The following KMT2D variants were observed in gnomAD, a reference collection of about 807,000 sequenced individuals.
KMT2D encodes the protein histone-lysine N-methyltransferase 2D.
A neutral mutation model predicts 512.7 loss-of-function variants in KMT2D; 55 were observed. That is an observed-to-expected ratio of 0.11 (90% CI 0.09 to 0.13). KMT2D has a LOEUF of 0.13. Ranked by LOEUF, KMT2D falls within the 10% of genes least tolerant of loss-of-function variation. The pLI is 1.00. For synonymous variants in KMT2D, 2,995 were observed against 2,904.0 expected, an observed-to-expected ratio of 1.03 and a Z score of -1.01; for missense variants, 6,061 against 7,127.9, an observed-to-expected ratio of 0.85 and a Z score of 5.39.
rs200624640 is a variant in KMT2D, at chr12:49,049,970, G to A, written c.3618C>T (p.Asn1206=). The A allele has an allele frequency of 5.3e-5, 86 of 1,613,982 alleles. No individual in the cohort carries two copies. The highest frequency in any genetic ancestry group is 8.0e-5 in the African/African-American group (6 of 75,052). ...PPTLIKSDIV[N]EISNLSQGDA... Reference sequence around the variant, plus strand: ...CACCCTGGCTCAGATTAGAGATCTCGTTAACGATGTCGGATTTGATGAGAG... The same window carrying A: ...CACCCTGGCTCAGATTAGAGATCTCATTAACGATGTCGGATTTGATGAGAG... Residue 1206 remains asparagine, a synonymous_variant, in exon 12 of 55, where the codon AAC becomes AAT. Coordinates refer to ENST00000301067, the MANE Select transcript of KMT2D (RefSeq NM_003482.4).
At chr12:49,031,102 C>T (rs2120415729) in intron 40 of KMT2D, 69 bp from the exon 41 acceptor site, 1 of 1,611,210 alleles carries the variant, frequency 6.2e-7, no homozygotes, top group East Asian at 2.2e-5. Flanking sequence ...CTGTCTGACC[C>T]AGGCTCACTC....
At chr12:49,028,502 A>G (rs1942723444) in intron 46 of KMT2D, among the ~76,000 whole-genome samples, 2 of 152,334 alleles carry the variant, frequency 1.3e-5, no homozygotes, top group South Asian at 4.1e-4. Context: ...CTTTGACCAC[A>G]AAAGCCCGTT....
In KMT2D at chr12:49,032,597, C is replaced by A; in HGVS notation, c.12108G>T (p.Glu4036Asp). The change falls in exon 40 of 55, where the codon GAG becomes GAT. Residue 4036 changes from glutamate to aspartate, a missense_variant. Coordinates refer to ENST00000301067, the MANE Select transcript of KMT2D (RefSeq NM_003482.4). Reference protein sequence around the residue: ...QNTVDPAVSSEATEGPSTHQG... With the variant: ...QNTVDPAVSSDATEGPSTHQG... Reference sequence around the variant, plus strand: ...GATGTGTAGAGGGCCCCTCAGTGGCCTCTGAAGAAACGGCTGGGTCTACGG... The same window carrying A: ...GATGTGTAGAGGGCCCCTCAGTGGCATCTGAAGAAACGGCTGGGTCTACGG... The A allele has an allele frequency of 4.3e-6, 7 of 1,613,924 alleles. No homozygotes were observed. Among genetic ancestry groups the A allele is most frequent in the Non-Finnish European group, 5.9e-6 (7 of 1,179,868 alleles).
rs2120423344 is a variant in KMT2D, at chr12:49,031,723, A to G, written c.12982T>C (p.Ser4328Pro). The change falls in exon 40 of 55, where the codon TCC (serine) becomes CCC (proline). Residue 4328 changes from serine (S) to proline (P), a missense_variant. Physicochemically the swap from Ser to Pro is moderately conservative, Grantham distance 74 (BLOSUM62 -1). Coordinates refer to ENST00000301067, the MANE Select transcript of KMT2D (RefSeq NM_003482.4). ...AGCTGGGCCTCAGTGGGAAGCTGGG[A>G]GCTGGGGGAAGGTAATTGTGAAGGT... ...KRPSQLPSPS[S>P]QLPTEAQLPP... 6.2e-7 allele frequency: 1 copy of G among 1,612,864 alleles called. No homozygotes were observed.
chr12:49,050,513 C>T lies in KMT2D; in HGVS notation c.3075G>A (p.Ser1025=), dbSNP rs781552700. The T allele has an allele frequency of 1.2e-6, 2 of 1,610,772 alleles. No homozygotes were observed. Among genetic ancestry groups the T allele is most frequent in the Non-Finnish European group, 8.5e-7 (1 of 1,177,724 alleles). ...ILMEPLPPQC[S]PLLQHSLVPQ... Reference sequence around the variant, plus strand: ...GAACCAGGGAATGCTGAAGGAGTGGCGAACACTGAGGAGGAAGGGGCTCCA... The same window carrying T: ...GAACCAGGGAATGCTGAAGGAGTGGTGAACACTGAGGAGGAAGGGGCTCCA... Residue 1025 remains serine, a synonymous_variant, in exon 12 of 55, where the codon TCG becomes TCA. Coordinates refer to ENST00000301067, the MANE Select transcript of KMT2D (RefSeq NM_003482.4).
At position 49,038,051 on chromosome 12, in the gene KMT2D, G is replaced by A. The variant is rs970061739; in HGVS notation, c.9305C>T (p.Pro3102Leu). 31 of 1,612,180 alleles carry A rather than the reference G, an allele frequency of 1.9e-5. No homozygotes were observed. Among genetic ancestry groups the A allele is most frequent in the East Asian group, 2.2e-5 (1 of 44,856 alleles). The change falls in exon 35 of 55, where the codon CCT becomes CTT. Residue 3102 changes from proline (P) to leucine (L), a missense_variant. By Grantham distance (98) the Pro-to-Leu change is moderately conservative. Transcript: ENST00000301067. This position sits in a 1 kb window ranked among gnomAD's most constrained non-coding sequence, Gnocchi z 5.7. ...GCGGGGTTCAGAGGCATCAGCAGCAGGGGGAGGGCGCTCCTCAGGGCCCAA... is the reference window on the plus strand; with the variant it reads ...GCGGGGTTCAGAGGCATCAGCAGCAAGGGGAGGGCGCTCCTCAGGGCCCAA... The part of the protein sequence containing the change: ...GPLGPEERPP[P>L]AADASEPRLA...
In KMT2D at chr12:49,028,983, T is replaced by G. The variant is rs375369558; in HGVS notation, c.14252-25A>C. 3.4e-5 allele frequency: 55 copies of G among 1,612,494 alleles called. No homozygotes were observed. The African/African-American group carries it at 6.3e-4, about 18-fold the overall frequency. On this transcript the variant is annotated intron_variant, in intron 45 of 54. Coordinates refer to ENST00000301067, the MANE Select transcript of KMT2D (RefSeq NM_003482.4). ...ACTGAATGAGAAAGAGGAATTTGTG[T>G]AACACTTGGCCGCCTCTCCCCCAGC...
chr12:49,029,963 A>C (rs1942816818), intron 43 of KMT2D, among the ~76,000 whole-genome samples: 1 of 152,218 alleles, frequency 6.6e-6, no homozygotes, highest in African/African-American at 2.4e-5. Flanking sequence ...CAGTTGAATG[A>C]ATGCAGGAAC....
Position 49,037,636 on chromosome 12 carries a change from C to G in KMT2D, c.9720G>C (p.Leu3240=), listed in dbSNP as rs370192252. The G allele has an allele frequency of 2.1e-5, 33 of 1,570,276 alleles. No homozygotes were observed. In the Middle Eastern group the frequency reaches 1.2e-3, roughly 55 times the overall value. Residue 3240 remains leucine, a synonymous_variant, in exon 35 of 55, where the codon CTG becomes CTC. Coordinates refer to ENST00000301067, the MANE Select transcript of KMT2D (RefSeq NM_003482.4). ...TGAGCAGGGGTAACTCGCTGGCTAC[C>G]AGTGAGCTCTCCATCTTGTCTAGCT... The part of the protein sequence containing the change: ...GDELDKMESS[L]VASELPLLIE...
At position 49,026,430 on chromosome 12, in the gene KMT2D, C is replaced by T. The variant is rs267607237; in HGVS notation, c.15536G>A (p.Arg5179His). ...IQRGERLHMF[R>H]VGGLVFHAIG... ...GGCGTGGAACACAAGGCCCCCCACA[C>T]GGAACATGTGCAGCCGTTCTCCCCG... is the stretch of plus-strand genomic sequence containing the variant. Residue 5179 changes from arginine (R) to histidine (H), a missense_variant, in exon 49 of 55, where the codon CGT (arginine) becomes CAT (histidine). Around this residue, in one of 16 missense-constraint regions of KMT2D, gnomAD observed 261 missense variants for 440.7 expected, o/e 0.59. Coordinates refer to ENST00000301067, the MANE Select transcript of KMT2D (RefSeq NM_003482.4). This position sits in a 1 kb window ranked among gnomAD's most constrained non-coding sequence, Gnocchi z 9.6. 1.2e-6 allele frequency: 2 copies of T among 1,614,004 alleles called. No individual in the cohort carries two copies. Among genetic ancestry groups the T allele is most frequent in the Non-Finnish European group, 8.5e-7 (1 of 1,179,898 alleles).
chr12:49,034,343 C>G (rs1387311833), intron 38 of KMT2D, 44 bp from the exon 39 acceptor site: 3 of 1,610,174 alleles, frequency 1.9e-6, no homozygotes, highest in Admixed American at 1.7e-5. Flanking sequence ...AAGGGTAATC[C>G]CAATCCCTCT....
In KMT2D at chr12:49,022,573, C is replaced by T. The variant is rs1160649726; in HGVS notation, c.16338+17G>A. 6.2e-7 allele frequency: 1 copy of T among 1,609,142 alleles called. No homozygotes were observed. Among genetic ancestry groups the T allele is most frequent in the Non-Finnish European group, 8.5e-7 (1 of 1,176,814 alleles). ...GTGCAGACTATGCACCACAATGGCC[C>T]CTCTGCCAGCTCATACCTGCTCTTC... is the stretch of plus-strand genomic sequence containing the variant. On this transcript the variant is annotated intron_variant, in intron 52 of 54. Transcript: ENST00000301067. The surrounding 1 kb of genome is among the most constrained non-coding windows in gnomAD (Gnocchi z 8.6).
rs1266288609 is a variant in KMT2D at position 49,041,444 on chromosome 12, T to C, written c.6326A>G (p.Gln2109Arg). ...RPALHLRIPP[Q>R]PGALGSPPPA... is the part of the protein sequence containing the mutation. ...GGGCGGGCTGCCCAGTGCCCCTGGC[T>C]GCGGGGGAATGCGGAGATGTAGGGC... The change falls in exon 32 of 55, where the codon CAG becomes CGG. Residue 2109 changes from glutamine (Q) to arginine (R), a missense_variant. Coordinates refer to ENST00000301067, the MANE Select transcript of KMT2D (RefSeq NM_003482.4). This position sits in a 1 kb window ranked among gnomAD's most constrained non-coding sequence, Gnocchi z 5.4. 1 of 1,612,040 alleles carries C rather than the reference T, an allele frequency of 6.2e-7. No individual in the cohort carries two copies. Among genetic ancestry groups the C allele is most frequent in the Non-Finnish European group, 8.5e-7 (1 of 1,178,396 alleles).
rs1414630106 is a variant in KMT2D at position 49,050,879 on chromosome 12, C to G, written c.2797+7G>C. 1.9e-6 allele frequency: 3 copies of G among 1,538,586 alleles called. No homozygotes were observed. In the Admixed American group the frequency reaches 5.9e-5, roughly 30 times the overall value. On this transcript the variant is annotated splice_region_variant and intron_variant, in intron 11 of 54. Transcript: ENST00000301067. ...TCCAGAATAACAGAGTACTAACATC[C>G]CCTTACCTGGTGGCATCAGCTGAGG...
At position 49,042,457 on chromosome 12, in the gene KMT2D, G is replaced by A. The variant is rs185762518; in HGVS notation, c.5867+104C>T. The A allele has an allele frequency of 3.2e-5, 49 of 1,522,116 alleles. No homozygotes were observed. The East Asian group carries it at 1.2e-3, about 37-fold the overall frequency. 94.3% of individuals were successfully genotyped at this position (1,522,116 alleles called of 1,614,324 possible). On this transcript the variant is annotated intron_variant, in intron 28 of 54. Coordinates refer to ENST00000301067, the MANE Select transcript of KMT2D (RefSeq NM_003482.4). This position sits in a 1 kb window ranked among gnomAD's most constrained non-coding sequence, Gnocchi z 4.4. Reference sequence around the variant, plus strand: ...GGGTCACTAACAAGGGAATGGGGAGGAGCAGGGGAAGTGCTGCAGGAGTCC... The same window carrying A: ...GGGTCACTAACAAGGGAATGGGGAGAAGCAGGGGAAGTGCTGCAGGAGTCC...
At position 49,049,756 on chromosome 12, in the gene KMT2D, C is replaced by G. The variant is rs747583918; in HGVS notation, c.3832G>C (p.Ala1278Pro). The change falls in exon 12 of 55, where the codon GCT becomes CCT. Residue 1278 changes from alanine to proline, a missense_variant. By Grantham distance (27) the Ala-to-Pro change is conservative. Transcript: ENST00000301067. Reference protein sequence around the residue: ...DDSLLCDAGTAISGGKAEGEK... With the variant: ...DDSLLCDAGTPISGGKAEGEK... ...CCCTCAGCTTTGCCTCCGCTGATAGCTGTCCCAGCATCGCACAATAGTGAG... is the reference window on the plus strand; with the variant it reads ...CCCTCAGCTTTGCCTCCGCTGATAGGTGTCCCAGCATCGCACAATAGTGAG... 8 of 1,610,654 alleles carry G rather than the reference C, an allele frequency of 5.0e-6. No individual in the cohort carries two copies. In the East Asian group the frequency reaches 1.8e-4, roughly 36 times the overall value.
chr12:49,052,082 G>A lies in KMT2D; in HGVS notation c.1601C>T (p.Thr534Met), dbSNP rs946192879. ...EESPPSPALE[T>M]PLSPPPEASP... ...TGCTTCAGGTGGTGGGGATAGAGGC[G>A]TCTCAAGTGCAGGAGATGGGGGTGA... Residue 534 changes from threonine (T) to methionine (M), a missense_variant, in exon 11 of 55, where the codon ACG becomes ATG. This residue lies in a region of KMT2D where 848 missense variants were observed against 838.5 expected (regional missense o/e 1.01). Coordinates refer to ENST00000301067, the MANE Select transcript of KMT2D (RefSeq NM_003482.4). The A allele has an allele frequency of 1.6e-5, 26 of 1,612,508 alleles. No individual in the cohort carries two copies. The Middle Eastern group carries it at 4.9e-4, about 31-fold the overall frequency.
Position 49,052,326 on chromosome 12 carries a change from G to C in KMT2D, c.1357C>G (p.Pro453Ala), listed in dbSNP as rs2120685366. ...GGTGGGGACGTGGGTGATTCCTCAGGTGGTGGGGACAGGGGTGACTCCTCA... is the reference window on the plus strand; with the variant it reads ...GGTGGGGACGTGGGTGATTCCTCAGCTGGTGGGGACAGGGGTGACTCCTCA... Reference protein sequence around the residue: ...PPEESPLSPPPEESPTSPPPE... With the variant: ...PPEESPLSPPAEESPTSPPPE... Residue 453 changes from proline to alanine, a missense_variant, in exon 11 of 55, where the codon CCT (proline) becomes GCT (alanine). By Grantham distance (27) the Pro-to-Ala change is conservative (BLOSUM62 -1). Coordinates refer to ENST00000301067, the MANE Select transcript of KMT2D (RefSeq NM_003482.4). 3.2e-6 allele frequency: 5 copies of C among 1,574,708 alleles called. No individual in the cohort carries two copies. Among genetic ancestry groups the C allele is most frequent in the Non-Finnish European group, 3.5e-6 (4 of 1,158,580 alleles).
intron 2 of KMT2D, 113 bp downstream of exon 2, chr12:49,055,163 G>A (rs761555649): frequency 3.6e-5 from 56 of 1,547,138 alleles, no homozygotes; most frequent in Non-Finnish European, 4.7e-5. Flanking sequence ...AAAGAACAAA[G>A]TTGTTCCATT....
Sources: allele counts gnomAD v4.1 joint callset (sites outside exome capture counted in the v4.1 genomes callset), GRCh38; gene constraint gnomAD v4.1.1; regional missense constraint gnomAD v4.1.1; non-coding constraint Gnocchi (gnomAD v3.1); transcripts MANE v1.5; gene names NCBI Gene and HGNC (gene_info 2026-07-23, HGNC 2026-07-21).